The following ZNF827 variants were observed in gnomAD, a reference collection of about 807,000 sequenced individuals.
The protein encoded by ZNF827 is zinc finger protein 827.
A neutral mutation model predicts 102.4 loss-of-function variants in ZNF827; 13 were observed. The ratio of observed to expected loss-of-function variants is 0.13; its 90% CI spans 0.08 to 0.20. The LOEUF is 0.20. ZNF827 is among the 10% of genes least tolerant of loss of function. The pLI is 1.00. For missense variants in ZNF827, 1,103 were observed against 1,344.4 expected (o/e 0.82, Z 2.81); for synonymous variants, 523 against 536.2 (o/e 0.98, Z 0.34).
chr4:145,901,436 C>T (rs748848057), intron 2 of ZNF827, among the ~76,000 whole-genome samples: 15 of 152,170 alleles, frequency 9.9e-5, no homozygotes, highest in South Asian at 2.1e-4. Flanking sequence ...TATATGACAG[C>T]GATTTCTCCT....
Position 145,779,226 on chromosome 4 carries a change from T to C in ZNF827, c.2521+148A>G, listed in dbSNP as rs1470292620. On this transcript the variant is annotated intron_variant, in intron 9 of 14. Coordinates refer to ENST00000508784, the MANE Select transcript of ZNF827 (RefSeq NM_001306215.2). Reference sequence around the variant, plus strand: ...ATAAAAAAGCCTTTCCAAGGTCTTCTTTAAACATGCCAGAGAAAATGGCTT... The same window carrying C: ...ATAAAAAAGCCTTTCCAAGGTCTTCCTTAAACATGCCAGAGAAAATGGCTT... The C allele has an allele frequency of 2.8e-5, 31 of 1,112,876 alleles. No individual in the cohort carries two copies. The South Asian group carries it at 5.8e-4, about 21-fold the overall frequency. The allele number at this position is 1,112,876 out of a possible 1,614,324, so 68.9% of individuals were successfully genotyped here. A position where few individuals can be genotyped will look rare whatever the true frequency, so the allele number is the denominator to read the frequency against.
rs554131884 is a variant in ZNF827, at chr4:145,807,654, T to C, written c.2383+15768A>G. Among the ~76,000 whole-genome samples, 43 of 151,714 alleles carry C rather than the reference T, an allele frequency of 2.8e-4. 1 individual carries two copies. Among genetic ancestry groups the C allele is most frequent in the African/African-American group, 9.7e-4 (40 of 41,418 alleles). On this transcript the variant is annotated intron_variant, in intron 8 of 14. Coordinates refer to ENST00000508784, the MANE Select transcript of ZNF827 (RefSeq NM_001306215.2). ...GCCCAGCTAATTTTTGTATTTTTAG[T>C]AGAGATGGGGTTTCACCATCTTGGC... is the stretch of plus-strand genomic sequence containing the variant.
chr4:145,760,107 G>A lies in ZNF827; in HGVS notation c.*1509C>T, dbSNP rs903467245. 19 of 152,198 alleles carry A rather than the reference G, an allele frequency of 1.2e-4. No homozygotes were observed. The highest frequency in any genetic ancestry group is 4.6e-4 in the African/African-American group (19 of 41,440). The allele number at this position is 152,198 out of a possible 1,614,324, so 9.4% of individuals were successfully genotyped here. ...AGCGCAAGGTCTCCAGCGCTCTGGC[G>A]GAAATCTCCAGCAGCACTGTAGATG... On this transcript the variant is annotated 3_prime_UTR_variant, in exon 15 of 15. Transcript: ENST00000508784.
intron 1 of ZNF827, among the ~76,000 whole-genome samples, chr4:145,909,955 C>T (rs1042623075): frequency 2.6e-5 from 4 of 152,264 alleles, no homozygotes; most frequent in African/African-American, 9.6e-5. Context: ...GTTATCGAAA[C>T]ACGGATGTCC....
chr4:145,843,253 T>C (rs937132591), intron 7 of ZNF827, among the ~76,000 whole-genome samples: 2 of 151,248 alleles, frequency 1.3e-5, no homozygotes, highest in Admixed American at 6.6e-5. Context: ...CCGAGGACTT[T>C]GTAGAACTAT....
rs574646775 is a variant in ZNF827 at position 145,758,619 on chromosome 4, T to G, written c.*2997A>C. ...ACAAAACAAAAAACCAACCCACCCA[T>G]AAGCCCAGTATTCTTGGAGTGTATT... On this transcript the variant is annotated 3_prime_UTR_variant, in exon 15 of 15. Transcript: ENST00000508784. The G allele has an allele frequency of 6.6e-6, 1 of 152,422 alleles. No homozygotes were observed. Among genetic ancestry groups the G allele is most frequent in the East Asian group, 1.9e-4 (1 of 5,186 alleles). 9.4% of individuals were successfully genotyped at this position (152,422 alleles called of 1,614,324 possible).
chr4:145,787,263 G>C lies in ZNF827; in HGVS notation c.2384-7752C>G, dbSNP rs140723093. 7.3e-3 allele frequency among the ~76,000 whole-genome samples: 1,103 copies of C among 152,134 alleles called. 13 individuals carry two copies. The highest frequency in any genetic ancestry group is 0.025 in the African/African-American group (1,053 of 41,490). ...GTGGATCACAAGGTCAGGAGTTCGAGAACAGCCTGGCCAACATAGTGACAC... is the reference window on the plus strand; with the variant it reads ...GTGGATCACAAGGTCAGGAGTTCGACAACAGCCTGGCCAACATAGTGACAC... On this transcript the variant is annotated intron_variant, in intron 8 of 14. Transcript: ENST00000508784.
intron 3 of ZNF827, 97 bp downstream of exon 3, chr4:145,892,146 C>A (rs958731387): frequency 3.3e-6 from 4 of 1,225,894 alleles, no homozygotes; most frequent in Middle Eastern, 2.9e-4. Flanking sequence ...ATCAGTGAGG[C>A]GCCCTCCCTC....
In ZNF827 at chr4:145,758,798, G is replaced by C. The variant is rs949064295; in HGVS notation, c.*2818C>G. The stretch of plus-strand genomic sequence containing the variant: ...TGTGGGCATCTCCTTAGTGTAAACA[G>C]GTTTGCCAGGGCACCAAGTAGGCTC... On this transcript the variant is annotated 3_prime_UTR_variant, in exon 15 of 15. Coordinates refer to ENST00000508784, the MANE Select transcript of ZNF827 (RefSeq NM_001306215.2). 6.6e-6 allele frequency: 1 copy of C among 152,212 alleles called. No homozygotes were observed. Among genetic ancestry groups the C allele is most frequent in the East Asian group, 1.9e-4 (1 of 5,192 alleles). The allele number at this position is 152,212 out of a possible 1,614,324, so 9.4% of individuals were successfully genotyped here. A position where few individuals can be genotyped will look rare whatever the true frequency, so the allele number is the denominator to read the frequency against.
chr4:145,784,930 C>A (rs1309043919), intron 8 of ZNF827, among the ~76,000 whole-genome samples: 4 of 152,080 alleles, frequency 2.6e-5, no homozygotes, highest in African/African-American at 7.2e-5. Context: ...ATATTCTGAT[C>A]CCTGGGATAA....
At chr4:145,790,999 A>C (rs1460663589) in intron 8 of ZNF827, among the ~76,000 whole-genome samples, 1 of 152,140 alleles carries the variant, frequency 6.6e-6, no homozygotes, top group Non-Finnish European at 1.5e-5. Context: ...ATATGTTTTT[A>C]TATGATGGGA....
At chr4:145,781,664 C>T (rs113884825) in intron 8 of ZNF827, among the ~76,000 whole-genome samples, 1 of 152,290 alleles carries the variant, frequency 6.6e-6, no homozygotes, top group African/African-American at 2.4e-5. Context: ...GGGAGATGAA[C>T]TTCTGAGGAC....
intron 11 of ZNF827, among the ~76,000 whole-genome samples, chr4:145,773,124 T>C (rs940898734): frequency 2.0e-5 from 3 of 152,146 alleles, no homozygotes; most frequent in Admixed American, 6.5e-5. Flanking sequence ...AAAAAGACTA[T>C]CTGAAAAGCC....
intron 3 of ZNF827, among the ~76,000 whole-genome samples, chr4:145,891,386 A>T (rs1427704645): frequency 6.6e-6 from 1 of 152,234 alleles, no homozygotes; most frequent in Non-Finnish European, 1.5e-5. Context: ...TATCAAATTC[A>T]AAAGCCCATG....
At position 145,902,936 on chromosome 4, in the gene ZNF827, AAAG is replaced by A; in HGVS notation, c.320_322del (p.Ser107del). On this transcript the variant is annotated inframe_deletion, in exon 2 of 15. Coordinates refer to ENST00000508784, the MANE Select transcript of ZNF827 (RefSeq NM_001306215.2). The surrounding 1 kb of genome is among the most constrained non-coding windows in gnomAD (Gnocchi z 4.3). ...GTTGGAGCCTGGGTCATCGTCACAC[AAAG>A]AAGACACTCCCGGGGAAAGGTGATC... is the stretch of plus-strand genomic sequence containing the variant. 6.2e-7 allele frequency: 1 copy of A among 1,614,178 alleles called. No homozygotes were observed. The highest frequency in any genetic ancestry group is 1.3e-5 in the African/African-American group (1 of 75,052).
At chr4:145,806,543 G>A (rs1251209626) in intron 8 of ZNF827, among the ~76,000 whole-genome samples, 1 of 151,818 alleles carries the variant, frequency 6.6e-6, no homozygotes, top group Non-Finnish European at 1.5e-5. Flanking sequence ...ATGATACTCA[G>A]ATCTTTTTTT....
chr4:145,828,946 C>G (rs1743935469), intron 7 of ZNF827, among the ~76,000 whole-genome samples: 1 of 152,208 alleles, frequency 6.6e-6, no homozygotes, highest in Admixed American at 6.5e-5. Flanking sequence ...AGTTTTGTCT[C>G]ATGCAGAAGA....
intron 8 of ZNF827, among the ~76,000 whole-genome samples, chr4:145,813,906 A>G (rs953317858): frequency 3.3e-5 from 5 of 152,160 alleles, no homozygotes; most frequent in African/African-American, 1.2e-4. Flanking sequence ...GTTAGGAGAG[A>G]TCTAGGAGGA....
At chr4:145,886,198 T>C (rs1040193015) in intron 3 of ZNF827, 40 bp from the exon 4 acceptor site, 1 of 1,542,404 alleles carries the variant, frequency 6.5e-7, no homozygotes, top group South Asian at 1.3e-5. Context: ...CCACCGTGCA[T>C]TTATGGAAAA....
Sources: allele counts gnomAD v4.1 joint callset (sites outside exome capture counted in the v4.1 genomes callset), GRCh38; gene constraint gnomAD v4.1.1; non-coding constraint Gnocchi (gnomAD v3.1); transcripts MANE v1.5; gene names NCBI Gene and HGNC (gene_info 2026-07-23, HGNC 2026-07-21).